The following TECRL variants were observed in gnomAD, a reference collection of about 807,000 sequenced individuals.
TECRL encodes the protein trans-2,3-enoyl-CoA reductase like, also known as trans-2,3-enoyl-CoA reductase-like.
Under a neutral mutation model 52.8 loss-of-function variants are expected in TECRL, and 63 were observed. The observed-to-expected ratio is 1.19, with a 90% CI of 0.97 to 1.47. The LOEUF (loss-of-function observed/expected upper bound fraction) is 1.47, where lower values mean the gene tolerates loss of function less well. Among genes scored for constraint, TECRL ranks in the 40% most tolerant of loss-of-function variants. The pLI is 0.00. For synonymous variants in TECRL, 164 were observed against 141.9 expected (o/e 1.16, Z -1.10); for missense variants, 482 against 429.6 (o/e 1.12, Z -1.08).
chr4:64,334,211 T>G (rs1718882120), intron 2 of TECRL, among the ~76,000 whole-genome samples: 1 of 152,026 alleles, frequency 6.6e-6, no homozygotes, highest in Admixed American at 6.6e-5. Context: ...CATCAAATAT[T>G]ACCCAAAATT....
intron 5 of TECRL, among the ~76,000 whole-genome samples, chr4:64,312,556 GT>G (rs1256064134): frequency 6.6e-6 from 1 of 152,066 alleles, no homozygotes; most frequent in Non-Finnish European, 1.5e-5. Flanking sequence ...GAGCCCAGGA[GT>G]TCAAGAACAG....
rs189792230 is a variant in TECRL, at chr4:64,332,251, A to T, written c.287-3695T>A. On this transcript the variant is annotated intron_variant, in intron 2 of 11. Transcript: ENST00000381210. ...TTTATGCACAAAGAGAAGCCCTGGT[A>T]AAAGTCCGCAATTTCAGTAGTTACC... Among the ~76,000 whole-genome samples, 23 of 152,306 alleles carry T rather than the reference A, an allele frequency of 1.5e-4. No individual in the cohort carries two copies. The East Asian group carries it at 4.2e-3, about 28-fold the overall frequency.
intron 9 of TECRL, among the ~76,000 whole-genome samples, chr4:64,283,627 G>A (rs1005950048): frequency 1.3e-5 from 2 of 151,972 alleles, no homozygotes; most frequent in Non-Finnish European, 2.9e-5. Context: ...GAAAGTTAGA[G>A]GTCCACCTAG....
intron 9 of TECRL, among the ~76,000 whole-genome samples, chr4:64,288,858 C>G (rs1237614999): frequency 1.3e-5 from 2 of 152,174 alleles, no homozygotes; most frequent in African/African-American, 2.4e-5. Flanking sequence ...TTCTCCATGA[C>G]AGTGTCTGAC....
chr4:64,299,434 T>C (rs187764525), intron 8 of TECRL, among the ~76,000 whole-genome samples: 1 of 151,092 alleles, frequency 6.6e-6, no homozygotes, highest in African/African-American at 2.4e-5. Context: ...ATGAAATAAT[T>C]AATGCATTTT....
At chr4:64,340,260 C>T (rs1199059395) in intron 2 of TECRL, among the ~76,000 whole-genome samples, 2 of 152,250 alleles carry the variant, frequency 1.3e-5, no homozygotes, top group East Asian at 3.9e-4. Context: ...GGCTGCAGAC[C>T]CCAGCCTCTC....
In TECRL at chr4:64,312,238, C is replaced by A. The variant is rs563239166; in HGVS notation, c.552-2307G>T. ...CAATTGGATGTGGAATTTAAGAATT[C>A]ATCTTAAAACAACATCATCCTGAAA... On this transcript the variant is annotated intron_variant, in intron 5 of 11. Coordinates refer to ENST00000381210, the MANE Select transcript of TECRL (RefSeq NM_001010874.5). Among the ~76,000 whole-genome samples, 93 of 152,068 alleles carry A rather than the reference C, an allele frequency of 6.1e-4. 1 individual carries two copies. The highest frequency in any genetic ancestry group is 1.1e-3 in the Non-Finnish European group (75 of 68,008).
intron 6 of TECRL, among the ~76,000 whole-genome samples, chr4:64,306,995 TG>T (rs1430162859): frequency 6.6e-6 from 1 of 152,262 alleles, no homozygotes; most frequent in South Asian, 2.1e-4. Flanking sequence ...GTCCTATGTC[TG>T]GGGGAGCCCT....
chr4:64,309,986 C>A, intron 5 of TECRL, 55 bp from the exon 6 acceptor site: 1 of 1,144,598 alleles, frequency 8.7e-7, no homozygotes, highest in Non-Finnish European at 1.3e-6. Flanking sequence ...TCTGGCTTGC[C>A]TCATGCATGA....
At chr4:64,365,442 A>C (rs1167240998) in intron 2 of TECRL, among the ~76,000 whole-genome samples, 1 of 152,066 alleles carries the variant, frequency 6.6e-6, no homozygotes, top group Non-Finnish European at 1.5e-5. Flanking sequence ...AAGTCAAACT[A>C]TCTCTCTTCA....
At chr4:64,404,237 C>T (rs979611038) in intron 1 of TECRL, among the ~76,000 whole-genome samples, 1 of 90,294 alleles carries the variant, frequency 1.1e-5, no homozygotes, top group African/African-American at 4.6e-5. Flanking sequence ...AAAAAAAAAA[C>T]AATAGGAGAA....
chr4:64,384,535 C>T (rs955188254), intron 1 of TECRL, among the ~76,000 whole-genome samples: 1 of 152,140 alleles, frequency 6.6e-6, no homozygotes, highest in Non-Finnish European at 1.5e-5. Flanking sequence ...ACAATGTGTG[C>T]AGTCATCAGT....
chr4:64,302,893 G>T (rs1288155008), intron 7 of TECRL, among the ~76,000 whole-genome samples: 2 of 151,056 alleles, frequency 1.3e-5, no homozygotes, highest in Non-Finnish European at 3.0e-5. Flanking sequence ...CCTTGTCATA[G>T]TTGCTCTTTA....
intron 1 of TECRL, among the ~76,000 whole-genome samples, chr4:64,381,067 A>G (rs1423008998): frequency 2.6e-5 from 4 of 151,980 alleles, no homozygotes; most frequent in African/African-American, 9.7e-5. Flanking sequence ...GTCCTCTTCA[A>G]TTTCTTTCAT....
intron 2 of TECRL, among the ~76,000 whole-genome samples, chr4:64,369,075 C>T (rs1721812533): frequency 6.6e-6 from 1 of 152,098 alleles, no homozygotes; most frequent in Non-Finnish European, 1.5e-5. Context: ...AGATAATAAA[C>T]ATCACTAAAA....
At chr4:64,382,219 AT>A (rs1560545403) in intron 1 of TECRL, among the ~76,000 whole-genome samples, 37 of 3,238 alleles carry the variant, frequency 0.011, 1 homozygote, top group African/African-American at 0.013. Context: ...ATATATATAT[AT>A]ATATATATAT....
At chr4:64,395,733 A>G (rs1451974754) in intron 1 of TECRL, among the ~76,000 whole-genome samples, 1 of 152,142 alleles carries the variant, frequency 6.6e-6, no homozygotes, top group Non-Finnish European at 1.5e-5. Context: ...AAACTGCATG[A>G]CACAGGAGTT....
chr4:64,374,895 A>G (rs541385793), intron 2 of TECRL, among the ~76,000 whole-genome samples: 1 of 152,256 alleles, frequency 6.6e-6, no homozygotes, highest in South Asian at 2.1e-4. Context: ...TCTTTATAAC[A>G]TATAGAAAGT....
chr4:64,344,728 T>C (rs1736568257), intron 2 of TECRL, among the ~76,000 whole-genome samples: 1 of 152,182 alleles, frequency 6.6e-6, no homozygotes, highest in South Asian at 2.1e-4. Flanking sequence ...CAAAGAGGAA[T>C]TGGTAAGAGA....
Sources: allele counts gnomAD v4.1 joint callset (sites outside exome capture counted in the v4.1 genomes callset), GRCh38; gene constraint gnomAD v4.1.1; transcripts MANE v1.5; gene names NCBI Gene and HGNC (gene_info 2026-07-23, HGNC 2026-07-21).